Variants in PCDHGA9 observed in about 807,000 individuals in gnomAD.
PCDHGA9 encodes the protein protocadherin gamma subfamily A, 9.
PCDHGA9 carries 37 observed loss-of-function variants against 62.5 expected under a neutral mutation model. That is an observed-to-expected ratio of 0.59 (90% CI 0.46 to 0.78). The LOEUF (loss-of-function observed/expected upper bound fraction) is 0.78. PCDHGA9 is among the 30% of genes least tolerant of loss of function. PCDHGA9 has a pLI of 0.00. For synonymous variants in PCDHGA9, 459 were observed against 484.6 expected (o/e 0.95, Z 0.69); for missense variants, 1,138 against 1,166.2 (o/e 0.98, Z 0.35).
In PCDHGA9 at chr5:141,414,189, G is replaced by C. The variant is rs1674006167; in HGVS notation, c.2424+8813G>C. ...CATATCTTGCAACTGCAAAAGTGTT[G>C]ATTACAGTAGAAGATGTAAATGACA... On this transcript the variant is annotated intron_variant, in intron 1 of 3. Transcript: ENST00000573521. 3.1e-6 allele frequency: 5 copies of C among 1,609,966 alleles called. No homozygotes were observed. The highest frequency in any genetic ancestry group is 3.4e-6 in the Non-Finnish European group (4 of 1,177,924).
At chr5:141,464,944 G>T (rs1379789566) in intron 1 of PCDHGA9, among the ~76,000 whole-genome samples, 1 of 151,826 alleles carries the variant, frequency 6.6e-6, no homozygotes, top group African/African-American at 2.4e-5. Context: ...GTCTCACTAT[G>T]TTGCCCAGGC....
intron 1 of PCDHGA9, among the ~76,000 whole-genome samples, chr5:141,430,358 C>T (rs2097275535): frequency 6.7e-6 from 1 of 149,028 alleles, no homozygotes; most frequent in South Asian, 2.1e-4. Flanking sequence ...TTTAAAAGCT[C>T]ATTGGGGAAA....
chr5:141,418,324 G>A, intron 1 of PCDHGA9: 2 of 1,614,006 alleles, frequency 1.2e-6, no homozygotes, highest in Non-Finnish European at 1.7e-6. Context: ...CAATTCTTGA[G>A]TCTGCAGAAG....
rs566635689 is a variant in PCDHGA9, at chr5:141,469,738, C to G, written c.2425-25069C>G. ...AGGAATTTATCATAAATACACACCT[C>G]AAAAATTACAAAAATACATATATAC... is the stretch of plus-strand genomic sequence containing the variant. On this transcript the variant is annotated intron_variant, in intron 1 of 3. Transcript: ENST00000573521. 6.7e-4 allele frequency among the ~76,000 whole-genome samples: 102 copies of G among 152,292 alleles called. 2 individuals are homozygous for G. Among genetic ancestry groups the G allele is most frequent in the African/African-American group, 2.4e-3 (99 of 41,552 alleles).
chr5:141,459,295 A>C (rs571675117), intron 1 of PCDHGA9, among the ~76,000 whole-genome samples: 2 of 152,368 alleles, frequency 1.3e-5, no homozygotes, highest in South Asian at 4.1e-4. Context: ...ATGGAATCCT[A>C]TAACATATAC....
intron 1 of PCDHGA9, chr5:141,419,601 C>T (rs753678898): frequency 6.2e-7 from 1 of 1,611,818 alleles, no homozygotes; most frequent in South Asian, 1.1e-5. Context: ...GTGCCGCGGG[C>T]CGCGCAGCCA....
At chr5:141,500,116 C>T (rs1458562489) in intron 2 of PCDHGA9, among the ~76,000 whole-genome samples, 4 of 149,046 alleles carry the variant, frequency 2.7e-5, no homozygotes, top group Admixed American at 2.0e-4. Context: ...GAATCCCTGC[C>T]TTTTCATATA....
At position 141,432,781 on chromosome 5, in the gene PCDHGA9, C is replaced by T. The variant is rs761954375; in HGVS notation, c.2424+27405C>T. On this transcript the variant is annotated intron_variant, in intron 1 of 3. Coordinates refer to ENST00000573521, the MANE Select transcript of PCDHGA9 (RefSeq NM_018921.3). This position sits in a 1 kb window ranked among gnomAD's most constrained non-coding sequence, Gnocchi z 6.0. ...ACAGCATCCCCCAAGTCCTGGCGGA[C>T]CTCGGCAGCCTCGAGTCTCCAGCTA... The T allele has an allele frequency of 3.1e-6, 5 of 1,614,064 alleles. No homozygotes were observed. The Admixed American group carries it at 8.3e-5, about 27-fold the overall frequency.
intron 1 of PCDHGA9, chr5:141,407,957 G>C (rs1166490050): frequency 1.5e-6 from 1 of 660,376 alleles, no homozygotes; most frequent in African/African-American, 1.8e-5. Flanking sequence ...GGCCAGTGCA[G>C]AGCAAGCGCT....
chr5:141,476,029 A>G lies in PCDHGA9; in HGVS notation c.2425-18778A>G, dbSNP rs975943706. The G allele has an allele frequency of 2.3e-5, 34 of 1,455,312 alleles. No homozygotes were observed. The highest frequency in any genetic ancestry group is 1.1e-4 in the African/African-American group (8 of 70,728). 90.1% of individuals were successfully genotyped at this position (1,455,312 alleles called of 1,614,324 possible). A position where few individuals can be genotyped will look rare whatever the true frequency, so the allele number is the denominator to read the frequency against. On this transcript the variant is annotated intron_variant, in intron 1 of 3. Transcript: ENST00000573521. The surrounding 1 kb of genome is among the most constrained non-coding windows in gnomAD (Gnocchi z 7.6). The stretch of plus-strand genomic sequence containing the variant: ...GAAAGCCATGTCGGACTCGGCGCCC[A>G]GCGCCCAAGCGCTAACCCGCTGAAA...
At chr5:141,508,538 G>C (rs1383873129) in intron 3 of PCDHGA9, among the ~76,000 whole-genome samples, 1 of 152,120 alleles carries the variant, frequency 6.6e-6, no homozygotes, top group African/African-American at 2.4e-5. Flanking sequence ...CACCCCCCAC[G>C]AGGTGGGCGG....
At position 141,431,763 on chromosome 5, in the gene PCDHGA9, T is replaced by C; in HGVS notation, c.2424+26387T>C. On this transcript the variant is annotated intron_variant, in intron 1 of 3. Transcript: ENST00000573521. The surrounding 1 kb of genome is among the most constrained non-coding windows in gnomAD (Gnocchi z 4.8). ...TATTCTGCGCGAGCCAAAGTCCTGA[T>C]CACTGTTCTGGACGTGAACGACAAT... 1 of 1,614,230 alleles carries C rather than the reference T, an allele frequency of 6.2e-7. No individual in the cohort carries two copies. Among genetic ancestry groups the C allele is most frequent in the Non-Finnish European group, 8.5e-7 (1 of 1,180,030 alleles).
Position 141,491,067 on chromosome 5 carries a change from G to A in PCDHGA9, c.2425-3740G>A, listed in dbSNP as rs752758445. On this transcript the variant is annotated intron_variant, in intron 1 of 3. Coordinates refer to ENST00000573521, the MANE Select transcript of PCDHGA9 (RefSeq NM_018921.3). This position sits in a 1 kb window ranked among gnomAD's most constrained non-coding sequence, Gnocchi z 6.9. ...ACAATGCGTGGCTCTCCTACTCACT[G>A]TTGCCACAGTCCACAGCCCCAGGAC... is the stretch of plus-strand genomic sequence containing the variant. 6.2e-7 allele frequency: 1 copy of A among 1,614,200 alleles called. No individual in the cohort carries two copies. Among genetic ancestry groups the A allele is most frequent in the East Asian group, 2.2e-5 (1 of 44,892 alleles).
Position 141,487,266 on chromosome 5 carries a change from T to A in PCDHGA9, c.2425-7541T>A. The stretch of plus-strand genomic sequence containing the variant: ...ACCCTCTACTTGGCTGTGTCCCTAG[T>A]GGCAATTTGCTTTGTCTCCTTTGGC... On this transcript the variant is annotated intron_variant, in intron 1 of 3. Transcript: ENST00000573521. This position sits in a 1 kb window ranked among gnomAD's most constrained non-coding sequence, Gnocchi z 5.0. The A allele has an allele frequency of 1.2e-6, 2 of 1,614,172 alleles. No homozygotes were observed. Among genetic ancestry groups the A allele is most frequent in the Non-Finnish European group, 8.5e-7 (1 of 1,180,036 alleles).
At chr5:141,419,117 G>A (rs1362880648) in intron 1 of PCDHGA9, 2 of 1,613,836 alleles carry the variant, frequency 1.2e-6, no homozygotes, top group Non-Finnish European at 1.7e-6. Flanking sequence ...AGAGTACAAC[G>A]TCACCATCGC....
intron 1 of PCDHGA9, among the ~76,000 whole-genome samples, chr5:141,458,065 GA>G (rs541812590): frequency 3.5e-3 from 534 of 152,242 alleles, no homozygotes; most frequent in Middle Eastern, 6.8e-3. Context: ...GCACTGATGC[GA>G]ACAACTATAT....
chr5:141,471,017 A>G (rs989277146), intron 1 of PCDHGA9, among the ~76,000 whole-genome samples: 3 of 143,850 alleles, frequency 2.1e-5, no homozygotes, highest in African/African-American at 7.8e-5. Context: ...GTGCCTGGTC[A>G]ATCATTTTTA....
At chr5:141,501,602 A>T (rs766918685) in intron 2 of PCDHGA9, among the ~76,000 whole-genome samples, 1 of 152,026 alleles carries the variant, frequency 6.6e-6, no homozygotes. Flanking sequence ...TACCAGTTCC[A>T]GCTGTGTGAC....
chr5:141,422,421 T>C, intron 1 of PCDHGA9: 1 of 1,607,810 alleles, frequency 6.2e-7, no homozygotes, highest in Non-Finnish European at 8.5e-7. Context: ...TAGAAAAGAC[T>C]TATGGAAATT....
Sources: gnomAD v4.1 joint callset for allele counts (sites outside exome capture counted in the v4.1 genomes callset) on GRCh38, gnomAD v4.1.1 for gene constraint, Gnocchi (gnomAD v3.1) non-coding constraint, MANE v1.5 for transcripts, NCBI Gene and HGNC (gene_info 2026-07-23, HGNC 2026-07-21) for gene names.